ANKRD36C: variants seen among roughly 807,000 people sequenced by gnomAD.
The protein encoded by ANKRD36C is ankyrin repeat domain 36C.
A neutral mutation model predicts 276.4 loss-of-function variants in ANKRD36C; 61 were observed. That is an observed-to-expected ratio of 0.22 (90% CI 0.18 to 0.27). The LOEUF is 0.27. Among genes scored for constraint, ANKRD36C ranks in the 10% least tolerant of loss-of-function variants. The pLI is 1.00. For missense variants in ANKRD36C, 1,447 were observed against 2,032.3 expected, an observed-to-expected ratio of 0.71 and a Z score of 5.54; for synonymous variants, 483 against 680.1, an observed-to-expected ratio of 0.71 and a Z score of 4.51.
At chr2:95,892,921 T>A (rs563832632) in intron 44 of ANKRD36C, among the ~76,000 whole-genome samples, 1 of 151,082 alleles carries the variant, frequency 6.6e-6, no homozygotes, top group Admixed American at 6.6e-5. Context: ...AATTCTAGGA[T>A]TGTTTCCTTC....
chr2:95,885,337 T>C (rs1676175244), intron 52 of ANKRD36C, among the ~76,000 whole-genome samples: 1 of 151,918 alleles, frequency 6.6e-6, no homozygotes, highest in African/African-American at 2.4e-5. Flanking sequence ...ATCTCATTTT[T>C]ATAACTAAAA....
intron 6 of ANKRD36C, among the ~76,000 whole-genome samples, chr2:95,963,972 A>AATATATATATATATATATGT (rs1678521741): frequency 2.0e-5 from 1 of 48,994 alleles, no homozygotes; most frequent in Non-Finnish European, 3.7e-5. Context: ...TATATATATA[A>AATATATATATATATATATGT]ATATATATAT....
At chr2:95,972,707 C>T (rs1458038405) in intron 6 of ANKRD36C, among the ~76,000 whole-genome samples, 1 of 152,216 alleles carries the variant, frequency 6.6e-6, no homozygotes, top group African/African-American at 2.4e-5. Flanking sequence ...ACACCTTTCC[C>T]TAATCTGTTC....
intron 8 of ANKRD36C, among the ~76,000 whole-genome samples, chr2:95,960,967 G>A (rs2104504913): frequency 6.6e-6 from 1 of 152,184 alleles, no homozygotes; most frequent in South Asian, 2.1e-4. Context: ...GGACAAATGT[G>A]ATCTAAAATC....
intron 42 of ANKRD36C, among the ~76,000 whole-genome samples, chr2:95,912,022 T>G (rs1362835381): frequency 1.3e-5 from 2 of 151,438 alleles, no homozygotes; most frequent in Non-Finnish European, 3.0e-5. Flanking sequence ...CTCTCCATAT[T>G]TCTTCCTCCC....
intron 42 of ANKRD36C, chr2:95,910,377 C>T (rs557536000): frequency 2.8e-4 from 437 of 1,539,382 alleles, no homozygotes; most frequent in African/African-American, 1.9e-3. Context: ...AATTACCTGT[C>T]CTAGATTTTT....
chr2:95,861,168 G>C (rs1371170129), intron 60 of ANKRD36C, among the ~76,000 whole-genome samples: 2 of 151,294 alleles, frequency 1.3e-5, no homozygotes, highest in African/African-American at 4.9e-5. Flanking sequence ...TAAAACTCAA[G>C]ATAATAAGTG....
At chr2:95,916,337 A>C (rs897051442) in intron 36 of ANKRD36C, among the ~76,000 whole-genome samples, 166 bp from the exon 39 acceptor site, 5 of 151,582 alleles carry the variant, frequency 3.3e-5, no homozygotes, top group African/African-American at 1.2e-4. Context: ...AAATACACTG[A>C]AAAAAGGGAA....
chr2:95,888,610 T>C (rs545705401), intron 48 of ANKRD36C, among the ~76,000 whole-genome samples: 8 of 151,874 alleles, frequency 5.3e-5, no homozygotes, highest in African/African-American at 1.7e-4. Context: ...ATGTACACTT[T>C]ACGTCTCTTC....
At chr2:95,967,933 CA>C (rs988104339) in intron 6 of ANKRD36C, among the ~76,000 whole-genome samples, 1 of 151,078 alleles carries the variant, frequency 6.6e-6, no homozygotes, top group Admixed American at 6.6e-5. Context: ...AACAAAAATA[CA>C]AAAAAAAATT....
intron 48 of ANKRD36C, among the ~76,000 whole-genome samples, chr2:95,889,404 T>C (rs1449903131): frequency 6.6e-6 from 1 of 151,608 alleles, no homozygotes; most frequent in African/African-American, 2.4e-5. Flanking sequence ...ACAGTGTTTT[T>C]GTGGTATTAG....
intron 32 of ANKRD36C, 49 bp downstream of exon 32, chr2:95,923,446 C>T: frequency 1.3e-6 from 2 of 1,592,970 alleles, no homozygotes; most frequent in East Asian, 4.6e-5. Context: ...AAGAGAAGTT[C>T]TTTTCTATCT....
At chr2:95,849,838 T>C (rs1573712627), downstream of ANKRD36C, among the ~76,000 whole-genome samples, 1 of 152,302 alleles carries the variant, frequency 6.6e-6, no homozygotes. Context: ...CAGGTGATAA[T>C]GTGAGCAACG....
At chr2:95,907,361 C>T (rs1341978048) in intron 42 of ANKRD36C, 1 of 61,354 alleles carries the variant, frequency 1.6e-5, no homozygotes, top group African/African-American at 6.6e-5. Flanking sequence ...CCTTGGATAT[C>T]TGTTTGCTGA....
chr2:95,990,142 A>G (rs1051774031), intron 1 of ANKRD36C, among the ~76,000 whole-genome samples: 6 of 152,174 alleles, frequency 3.9e-5, no homozygotes, highest in African/African-American at 7.2e-5. Flanking sequence ...TTTTTCTGTT[A>G]TCTCTTATTT....
chr2:95,981,835 C>T (rs1330678897), intron 4 of ANKRD36C, among the ~76,000 whole-genome samples: 1 of 152,004 alleles, frequency 6.6e-6, no homozygotes, highest in Non-Finnish European at 1.5e-5. Flanking sequence ...TCTCCCCCTC[C>T]CCATATCAAT....
chr2:95,913,646 C>T (rs993002829), intron 40 of ANKRD36C, among the ~76,000 whole-genome samples: 2 of 151,448 alleles, frequency 1.3e-5, no homozygotes, highest in Non-Finnish European at 3.0e-5. Context: ...CACCTTCCTG[C>T]CTCACAATCC....
At chr2:95,976,521 G>C (rs1285699582) in intron 6 of ANKRD36C, among the ~76,000 whole-genome samples, 1 of 152,122 alleles carries the variant, frequency 6.6e-6, no homozygotes, top group Non-Finnish European at 1.5e-5. Flanking sequence ...TTTCCACAAG[G>C]AGCAGATAAG....
chr2:95,851,638 C>T (rs142684656), intron 66 of ANKRD36C, 56 bp downstream of exon 86: 65,542 of 1,370,950 alleles, frequency 0.048, 1,765 homozygotes, highest in Non-Finnish European at 0.055. Context: ...TTAACCCGTC[C>T]TACTGGAAAA....
Sources: gnomAD v4.1 joint callset for allele counts (sites outside exome capture counted in the v4.1 genomes callset) on GRCh38, gnomAD v4.1.1 for gene constraint, MANE v1.5 for transcripts, NCBI Gene and HGNC (gene_info 2026-07-23, HGNC 2026-07-21) for gene names.